Variants in ADAM22 observed in about 807,000 individuals in gnomAD.
The protein encoded by ADAM22 is ADAM metallopeptidase domain 22, also known as disintegrin and metalloproteinase domain-containing protein 22.
A neutral mutation model predicts 144.6 loss-of-function variants in ADAM22; 65 were observed. The ratio of observed to expected loss-of-function variants is 0.45; its 90% CI spans 0.37 to 0.55. ADAM22 has a LOEUF of 0.55. Among genes scored for constraint, ADAM22 ranks in the 20% least tolerant of loss-of-function variants. ADAM22 has a pLI of 0.00. For missense variants in ADAM22, 974 were observed against 1,184.9 expected (o/e 0.82, Z 2.61); for synonymous variants, 391 against 412.6 (o/e 0.95, Z 0.63).
At chr7:88,179,742 G>T (rs1003573543) in intron 27 of ADAM22, among the ~76,000 whole-genome samples, 1 of 151,952 alleles carries the variant, frequency 6.6e-6, no homozygotes, top group South Asian at 2.1e-4. Context: ...TTAAAATTCT[G>T]CATGCTTTGT....
intron 3 of ADAM22, among the ~76,000 whole-genome samples, chr7:88,047,123 C>T (rs945056977): frequency 5.9e-5 from 9 of 152,204 alleles, no homozygotes; most frequent in Admixed American, 1.3e-4. Context: ...TAACTACCTT[C>T]CCAATTGGCT....
At position 88,151,249 on chromosome 7, in the gene ADAM22, C is replaced by T. The variant is rs771250929; in HGVS notation, c.1618-8C>T. 82 of 1,613,828 alleles carry T rather than the reference C, an allele frequency of 5.1e-5. 1 individual carries two copies. Among genetic ancestry groups the T allele is most frequent in the Admixed American group, 4.8e-4 (29 of 59,948 alleles). On this transcript the variant is annotated splice_polypyrimidine_tract_variant and splice_region_variant and intron_variant, in intron 19 of 31. Transcript: ENST00000413139. ...CATCGCTAATGGGTATTTGCTTTTC[C>T]GTTTTAGGGAATTTGCTTTGGAGGA...
rs916374773 is a variant in ADAM22, at chr7:88,198,205, T to A, written c.*1714T>A. ...ATGGACAAAATCCATATCATCTTCA[T>A]ATGTAATCAATTTGATTACATATCA... is the stretch of plus-strand genomic sequence containing the variant. On this transcript the variant is annotated 3_prime_UTR_variant, in exon 32 of 32. Coordinates refer to ENST00000413139, the MANE Select transcript of ADAM22 (RefSeq NM_001324418.2). 3.9e-5 allele frequency: 6 copies of A among 152,224 alleles called. No homozygotes were observed. The highest frequency in any genetic ancestry group is 1.4e-4 in the African/African-American group (6 of 41,460). The allele number at this position is 152,224 out of a possible 1,614,324, so 9.4% of individuals were successfully genotyped here.
At chr7:88,132,354 A>G (rs1832024461) in intron 11 of ADAM22, 1 of 152,444 alleles carries the variant, frequency 6.6e-6, no homozygotes, top group Non-Finnish European at 1.5e-5. Context: ...AATTACCTCA[A>G]TAATGTCTTT....
Position 88,041,632 on chromosome 7 carries a change from G to A in ADAM22, c.324-33994G>A, listed in dbSNP as rs528425845. ...ATCATGTTTTTAATGAGAGATACAC[G>A]CCAGTACTTTTGCCCTTATCCTTTG... On this transcript the variant is annotated intron_variant, in intron 3 of 31. Transcript: ENST00000413139. Among the ~76,000 whole-genome samples the A allele has an allele frequency of 2.6e-4, 39 of 151,832 alleles. 1 individual carries two copies. The highest frequency in any genetic ancestry group is 6.8e-3 in the Middle Eastern group (2 of 294).
intron 3 of ADAM22, among the ~76,000 whole-genome samples, chr7:87,995,565 G>A (rs551866650): frequency 5.6e-4 from 86 of 152,246 alleles, no homozygotes; most frequent in African/African-American, 1.9e-3. Flanking sequence ...GGGACCAGCG[G>A]CATCATCGTG....
chr7:88,138,786 AG>A (rs1313647868), intron 14 of ADAM22, among the ~76,000 whole-genome samples: 4 of 152,246 alleles, frequency 2.6e-5, no homozygotes, highest in African/African-American at 7.2e-5. Context: ...GACTTTACAT[AG>A]TTAAGAATAC....
chr7:88,031,873 A>C (rs1800350070), intron 3 of ADAM22, among the ~76,000 whole-genome samples: 1 of 152,246 alleles, frequency 6.6e-6, no homozygotes, highest in South Asian at 2.1e-4. Flanking sequence ...CCCCAGATAC[A>C]TCTCAGGCTG....
intron 31 of ADAM22, 118 bp from the exon 32 acceptor site, chr7:88,196,351 AGT>A (rs1850665503): frequency 8.7e-7 from 1 of 1,149,122 alleles, no homozygotes; most frequent in South Asian, 1.2e-5. Context: ...ACTTTGCAAG[AGT>A]GTGCATCCAC....
intron 3 of ADAM22, among the ~76,000 whole-genome samples, chr7:88,053,644 GAAAGAAA>G (rs1807307949): frequency 6.9e-6 from 1 of 145,458 alleles, no homozygotes; most frequent in African/African-American, 2.6e-5. Flanking sequence ...AAGAAAGAAA[GAAAGAAA>G]CCAAGTAAAA....
intron 3 of ADAM22, among the ~76,000 whole-genome samples, chr7:87,989,923 GAAAAA>G (rs545049148): frequency 7.0e-6 from 1 of 143,662 alleles, no homozygotes; most frequent in Admixed American, 6.9e-5. Flanking sequence ...CCATCTCAAA[GAAAAA>G]AAAAAAGAAT....
intron 3 of ADAM22, among the ~76,000 whole-genome samples, chr7:88,039,449 C>CAAAAAAAA (rs1216762883): frequency 1.5e-4 from 9 of 58,628 alleles, no homozygotes; most frequent in Admixed American, 4.1e-4. Flanking sequence ...GATTCTGTCT[C>CAAAAAAAA]AAAAAAAAAA....
intron 4 of ADAM22, among the ~76,000 whole-genome samples, chr7:88,086,434 A>G (rs1818467226): frequency 6.6e-6 from 1 of 152,206 alleles, no homozygotes; most frequent in Non-Finnish European, 1.5e-5. Flanking sequence ...GTAGCTGTGC[A>G]TAATTCTGAT....
intron 14 of ADAM22, among the ~76,000 whole-genome samples, chr7:88,140,520 A>T (rs1834293624): frequency 6.6e-6 from 1 of 152,232 alleles, no homozygotes; most frequent in African/African-American, 2.4e-5. Flanking sequence ...CTTGAAAAAA[A>T]CCTGGTTCCT....
chr7:88,140,269 T>A (rs1351702111), intron 14 of ADAM22, among the ~76,000 whole-genome samples: 2 of 152,026 alleles, frequency 1.3e-5, no homozygotes, highest in Non-Finnish European at 2.9e-5. Flanking sequence ...CCAAACTTTA[T>A]CATCGTGTCT....
At chr7:87,972,965 T>C (rs1850843983) in intron 2 of ADAM22, among the ~76,000 whole-genome samples, 2 of 152,256 alleles carry the variant, frequency 1.3e-5, no homozygotes, top group South Asian at 2.1e-4. Context: ...AAGACTTAAA[T>C]GGTAAACCTA....
chr7:87,995,393 A>G (rs1240339735), intron 3 of ADAM22, among the ~76,000 whole-genome samples: 4 of 152,184 alleles, frequency 2.6e-5, no homozygotes, highest in Non-Finnish European at 5.9e-5. Flanking sequence ...ATGCAAAGTT[A>G]GTTTCCACCA....
intron 29 of ADAM22, 153 bp downstream of exon 29, chr7:88,182,177 T>C: frequency 1.5e-6 from 1 of 649,518 alleles, no homozygotes; most frequent in Non-Finnish European, 2.6e-6. Flanking sequence ...AAATTAACCA[T>C]GGCTTTTCTC....
rs966309843 is a variant in ADAM22, at chr7:88,143,186, A to G, written c.1320+61A>G. The G allele has an allele frequency of 1.8e-5, 21 of 1,193,446 alleles. 1 individual carries two copies. In the Admixed American group the frequency reaches 4.0e-4, roughly 22 times the overall value. 73.9% of individuals were successfully genotyped at this position (1,193,446 alleles called of 1,614,324 possible). On this transcript the variant is annotated intron_variant, in intron 15 of 31. Coordinates refer to ENST00000413139, the MANE Select transcript of ADAM22 (RefSeq NM_001324418.2). Reference sequence around the variant, plus strand: ...TTATCAACCTTTCTAAAATATTACAAATACACATTTTCAGCTATTGAATCT... The same window carrying G: ...TTATCAACCTTTCTAAAATATTACAGATACACATTTTCAGCTATTGAATCT...
Sources: gnomAD v4.1 joint callset for allele counts (sites outside exome capture counted in the v4.1 genomes callset) on GRCh38, gnomAD v4.1.1 for gene constraint, MANE v1.5 for transcripts, NCBI Gene and HGNC (gene_info 2026-07-23, HGNC 2026-07-21) for gene names.